RGL1: variants seen among roughly 807,000 people sequenced by gnomAD.
The protein encoded by RGL1 is ral guanine nucleotide dissociation stimulator-like 1.
A neutral mutation model predicts 95.2 loss-of-function variants in RGL1; 24 were observed. That is an observed-to-expected ratio of 0.25 (90% CI 0.18 to 0.35). The LOEUF (loss-of-function observed/expected upper bound fraction) is 0.35. Ranked by LOEUF, RGL1 falls within the 10% of genes least tolerant of loss-of-function variation. The probability of loss-of-function intolerance (pLI) is 1.00; values close to 1 mark genes in which losing one functional copy is unlikely to be tolerated. For missense variants in RGL1, 715 were observed against 936.3 expected (o/e 0.76, Z 3.08); for synonymous variants, 329 against 344.9 (o/e 0.95, Z 0.51).
chr1:183,801,167 G>GTA (rs1330023603), upstream of RGL1, among the ~76,000 whole-genome samples: 1 of 151,802 alleles, frequency 6.6e-6, no homozygotes, highest in Non-Finnish European at 1.5e-5. Flanking sequence ...GTGTGTGTGT[G>GTA]TGTGTGTGTG....
chr1:183,640,034 G>A lies in RGL1; in HGVS notation c.-33+3533G>A, dbSNP rs549901213. 8.5e-5 allele frequency among the ~76,000 whole-genome samples: 13 copies of A among 152,104 alleles called. 1 individual carries two copies. The South Asian group carries it at 2.7e-3, about 32-fold the overall frequency. On this transcript the variant is annotated intron_variant, in intron 1 of 18. Coordinates refer to the RGL1 transcript ENST00000304685. ...TTTTTATATTTTTAGTAGAGACGGG[G>A]TTTCACCATGTTGGCCAGGATGGTC...
intron 3 of RGL1, among the ~76,000 whole-genome samples, chr1:183,863,197 G>A (rs1665615549): frequency 1.3e-5 from 2 of 152,166 alleles, no homozygotes; most frequent in African/African-American, 4.8e-5. Context: ...AGGAGGCGTG[G>A]GAGGAGGTCT....
At chr1:183,810,986 A>G (rs1289893831) in intron 2 of RGL1, among the ~76,000 whole-genome samples, 1 of 152,190 alleles carries the variant, frequency 6.6e-6, no homozygotes, top group Non-Finnish European at 1.5e-5. Context: ...CAGAAACTCA[A>G]TACATGTTTG....
intron 2 of RGL1, among the ~76,000 whole-genome samples, chr1:183,752,563 A>G (rs1164819631): frequency 2.0e-5 from 3 of 152,274 alleles, no homozygotes; most frequent in Non-Finnish European, 2.9e-5. Context: ...GATATAAAAT[A>G]GAATCTCATT....
chr1:183,831,901 A>G (rs893155811), intron 2 of RGL1, among the ~76,000 whole-genome samples: 4 of 152,216 alleles, frequency 2.6e-5, no homozygotes, highest in African/African-American at 9.6e-5. Flanking sequence ...TATGAATAAA[A>G]CTGTAATAAA....
intron 3 of RGL1, among the ~76,000 whole-genome samples, chr1:183,859,142 A>G (rs1427769097): frequency 6.6e-6 from 1 of 152,206 alleles, no homozygotes; most frequent in Admixed American, 6.5e-5. Flanking sequence ...GCAGTGTACT[A>G]ACAAGATGTG....
In RGL1 at chr1:183,661,925, T is replaced by C. The variant is rs775884486; in HGVS notation, c.-33+25424T>C. Among the ~76,000 whole-genome samples, 179 of 139,138 alleles carry C rather than the reference T, an allele frequency of 1.3e-3. 1 individual carries two copies. The highest frequency in any genetic ancestry group is 2.7e-3 in the South Asian group (12 of 4,374). 91.3% of individuals were successfully genotyped at this position (139,138 alleles called of 152,430 possible). A position where few individuals can be genotyped will look rare whatever the true frequency, so the allele number is the denominator to read the frequency against. ...TTCAATATACACAAATCAATAAATG[T>C]AATCCAGCATATAAACAGAACCAAA... On this transcript the variant is annotated intron_variant, in intron 1 of 18. Coordinates refer to the RGL1 transcript ENST00000304685.
chr1:183,852,877 C>T (rs1664911933), intron 3 of RGL1, among the ~76,000 whole-genome samples: 1 of 152,140 alleles, frequency 6.6e-6, no homozygotes, highest in Non-Finnish European at 1.5e-5. Flanking sequence ...TATGCCCAAC[C>T]TCAAATGTAG....
At chr1:183,653,245 C>G (rs1273884660) in intron 1 of RGL1, 1 of 152,178 alleles carries the variant, frequency 6.6e-6, no homozygotes, top group African/African-American at 2.4e-5. Context: ...TGTGTCTATT[C>G]GTTCATTTGA....
chr1:183,780,882 C>G (rs918844815), intron 2 of RGL1, among the ~76,000 whole-genome samples: 6 of 152,202 alleles, frequency 3.9e-5, no homozygotes, highest in Non-Finnish European at 8.8e-5. Flanking sequence ...CCCAAGAAAA[C>G]AAAGGAGTCA....
intron 2 of RGL1, among the ~76,000 whole-genome samples, chr1:183,846,016 C>A (rs1251587585): frequency 6.6e-6 from 1 of 152,146 alleles, no homozygotes; most frequent in Non-Finnish European, 1.5e-5. Flanking sequence ...CCAGAAACAC[C>A]CTTTGTCCCA....
chr1:183,886,845 T>A (rs990668045), intron 7 of RGL1, among the ~76,000 whole-genome samples: 3 of 152,110 alleles, frequency 2.0e-5, no homozygotes, highest in African/African-American at 7.2e-5. Flanking sequence ...AATATGACTA[T>A]ATTTTCTTGG....
At chr1:183,639,508 A>G (rs1649770525) in intron 1 of RGL1, among the ~76,000 whole-genome samples, 1 of 152,162 alleles carries the variant, frequency 6.6e-6, no homozygotes, top group African/African-American at 2.4e-5. Flanking sequence ...TCCATAGACT[A>G]TCTTATGATT....
At chr1:183,690,216 C>T (rs561534601) in intron 1 of RGL1, among the ~76,000 whole-genome samples, 3 of 152,270 alleles carry the variant, frequency 2.0e-5, no homozygotes, top group Admixed American at 6.5e-5. Context: ...CAGACACTTT[C>T]TACACCTATG....
At chr1:183,868,521 T>C (rs1034049266) in intron 4 of RGL1, among the ~76,000 whole-genome samples, 3 of 152,182 alleles carry the variant, frequency 2.0e-5, no homozygotes, top group African/African-American at 7.2e-5. Context: ...TCAGACCTAA[T>C]GGATTAGAAT....
At chr1:183,887,879 G>A (rs754555270) in intron 7 of RGL1, among the ~76,000 whole-genome samples, 1 of 152,154 alleles carries the variant, frequency 6.6e-6, no homozygotes, top group Non-Finnish European at 1.5e-5. Context: ...AAGTACCAAG[G>A]TGTTTTTGAA....
chr1:183,856,648 A>G (rs960369149), intron 3 of RGL1, among the ~76,000 whole-genome samples: 2 of 149,324 alleles, frequency 1.3e-5, no homozygotes, highest in South Asian at 2.1e-4. Flanking sequence ...TTATATATAT[A>G]TATATGTTAA....
chr1:183,844,105 C>T (rs987658571), intron 2 of RGL1, among the ~76,000 whole-genome samples: 2 of 152,174 alleles, frequency 1.3e-5, no homozygotes, highest in African/African-American at 2.4e-5. Context: ...GGATTACAGG[C>T]GTGAGCCACC....
At chr1:183,705,355 C>T (rs1654847348) in intron 1 of RGL1, among the ~76,000 whole-genome samples, 1 of 152,020 alleles carries the variant, frequency 6.6e-6, no homozygotes, top group Non-Finnish European at 1.5e-5. Context: ...TAGGGGAGAC[C>T]TGATGCCCCC....
Sources: gnomAD v4.1 joint callset for allele counts (sites outside exome capture counted in the v4.1 genomes callset) on GRCh38, gnomAD v4.1.1 for gene constraint, MANE v1.5 for transcripts, NCBI Gene and HGNC (gene_info 2026-07-23, HGNC 2026-07-21) for gene names.